KANK3: variants seen among roughly 807,000 people sequenced by gnomAD.
The protein encoded by KANK3 is KN motif and ankyrin repeat domain-containing protein 3.
Under a neutral mutation model 65.4 loss-of-function variants are expected in KANK3, and 61 were observed. The observed-to-expected ratio is 0.93, with a 90% CI of 0.76 to 1.15. The LOEUF is 1.15. Ranked by LOEUF, KANK3 falls within the 50% of genes most tolerant of loss-of-function variation. KANK3 has a pLI of 0.00. For missense variants in KANK3, 1,187 were observed against 1,178.8 expected (o/e 1.01, Z -0.10); for synonymous variants, 586 against 543.3 (o/e 1.08, Z -1.09).
rs973917609 is a variant in KANK3, at chr19:8,322,731, G to C, written c.*108C>G. On this transcript the variant is annotated 3_prime_UTR_variant, in exon 11 of 11. Coordinates refer to ENST00000330915, the MANE Select transcript of KANK3 (RefSeq NM_198471.3). ...CTGAAATTGCCTTTCTCTTCGGCCA[G>C]TGTTAGCCTCTGAGCAGGGGACCCT... 18 of 790,664 alleles carry C rather than the reference G, an allele frequency of 2.3e-5. No homozygotes were observed. The highest frequency in any genetic ancestry group is 3.5e-5 in the Non-Finnish European group (17 of 487,802). The allele number at this position is 790,664 out of a possible 1,614,324, so 49.0% of individuals were successfully genotyped here.
At chr19:8,338,642 G>A (rs180995952) in intron 1 of KANK3, among the ~76,000 whole-genome samples, 388 of 151,984 alleles carry the variant, frequency 2.6e-3, no homozygotes, top group Non-Finnish European at 4.7e-3. Flanking sequence ...TTGGGAGGCC[G>A]AGGAGGGCGG....
intron 1 of KANK3, among the ~76,000 whole-genome samples, chr19:8,342,670 C>T (rs909535990): frequency 5.6e-5 from 8 of 142,184 alleles, no homozygotes; most frequent in Admixed American, 4.2e-4. Context: ...GACTCTCAGA[C>T]TCTTGAGGTG....
intron 7 of KANK3, among the ~76,000 whole-genome samples, chr19:8,327,356 A>G (rs1970446928): frequency 6.6e-6 from 1 of 151,832 alleles, no homozygotes; most frequent in Non-Finnish European, 1.5e-5. Context: ...ATTTGGCCGG[A>G]CACGGTGGCT....
Position 8,322,913 on chromosome 19 carries a change from G to T in KANK3, c.2392C>A (p.Pro798Thr). 6.5e-7 allele frequency: 1 copy of T among 1,539,372 alleles called. No homozygotes were observed. ...SGQPDTQSES[P>T]PGSQTATPGE... ...GGTGTGGCTGTCTGGGAGCCAGGGG[G>T]TGACTCGCTCTGGAGAGAGGGGAAA... The change falls in exon 11 of 11, where the codon CCC becomes ACC. Residue 798 changes from proline (P) to threonine (T), a missense_variant. Physicochemically the swap from Pro to Thr is conservative, Grantham distance 38. This residue lies in a region of KANK3 where 1,078 missense variants were observed against 1,038.2 expected (regional missense o/e 1.04). Transcript: ENST00000330915.
chr19:8,333,854 C>G lies in KANK3; in HGVS notation c.1635-46G>C. On this transcript the variant is annotated intron_variant, in intron 5 of 10. Coordinates refer to ENST00000330915, the MANE Select transcript of KANK3 (RefSeq NM_198471.3). This position sits in a 1 kb window ranked among gnomAD's most constrained non-coding sequence, Gnocchi z 5.0. ...GACTCAGGATGGATCGGGGACAGCG[C>G]CGACCAGGAGGAGGGCAGCCGCCTC... 7 of 1,548,302 alleles carry G rather than the reference C, an allele frequency of 4.5e-6. No individual in the cohort carries two copies. Among genetic ancestry groups the G allele is most frequent in the Non-Finnish European group, 6.1e-6 (7 of 1,146,782 alleles).
At chr19:8,328,828 G>C (rs1415770155) in intron 7 of KANK3, among the ~76,000 whole-genome samples, 1 of 152,050 alleles carries the variant, frequency 6.6e-6, no homozygotes, top group African/African-American at 2.4e-5. Flanking sequence ...CAAGGTCAAG[G>C]AAGGAGAGCA....
chr19:8,333,714 G>T lies in KANK3; in HGVS notation c.1719+10C>A. 6.9e-7 allele frequency: 1 copy of T among 1,449,864 alleles called. No individual in the cohort carries two copies. 89.8% of individuals were successfully genotyped at this position (1,449,864 alleles called of 1,614,324 possible). ...GCCACTCCCTGGTGCTGCGCTCCCG[G>T]GGCACTCACGCCGTCGCTGGCTACT... On this transcript the variant is annotated intron_variant, in intron 6 of 10. Coordinates refer to ENST00000330915, the MANE Select transcript of KANK3 (RefSeq NM_198471.3). This position sits in a 1 kb window ranked among gnomAD's most constrained non-coding sequence, Gnocchi z 5.0.
At chr19:8,337,685 A>G (rs1970665391) in intron 2 of KANK3, 110 bp downstream of exon 2, 8 of 1,305,036 alleles carry the variant, frequency 6.1e-6, no homozygotes, top group Non-Finnish European at 8.8e-6. Flanking sequence ...GGCTCATGAC[A>G]TTGGAGAGGA....
At chr19:8,325,156 C>G (rs1199353670) in intron 7 of KANK3, 60 bp from the exon 8 acceptor site, 18 of 1,527,918 alleles carry the variant, frequency 1.2e-5, no homozygotes, top group African/African-American at 1.4e-5. Flanking sequence ...ACTTGATCCA[C>G]TCACCTCCCT....
chr19:8,336,726 T>G (rs1599651848), intron 2 of KANK3, among the ~76,000 whole-genome samples: 11 of 116,952 alleles, frequency 9.4e-5, no homozygotes, highest in East Asian at 2.4e-4. Flanking sequence ...GGTGACAGAG[T>G]GAGACCCTGT....
Position 8,325,029 on chromosome 19 carries a change from A to G in KANK3, c.2004T>C (p.Ser668=). 6.2e-7 allele frequency: 1 copy of G among 1,613,872 alleles called. No homozygotes were observed. Among genetic ancestry groups the G allele is most frequent in the Non-Finnish European group, 8.5e-7 (1 of 1,179,986 alleles). Residue 668 remains serine, a synonymous_variant, in exon 8 of 11, where the codon TCT becomes TCC. Coordinates refer to ENST00000330915, the MANE Select transcript of KANK3 (RefSeq NM_198471.3). ...YSALMLAALT[S]VRQEEEDMAV... ...CCATGTCCTCCTCTTCCTGCCTCAC[A>G]GAGGTGAGTGCAGCCAGCATGAGGG...
chr19:8,324,628 A>T lies in KANK3; in HGVS notation c.2283+2T>A, dbSNP rs1970386591. 6.2e-7 allele frequency: 1 copy of T among 1,613,866 alleles called. No homozygotes were observed. ...GATGCCAGCCCCATTGTGGGGTCTT[A>T]CATTGTCCAGGATGGCAGGGTCACA... On this transcript the variant is annotated splice_donor_variant, in intron 9 of 10. Coordinates refer to ENST00000330915, the MANE Select transcript of KANK3 (RefSeq NM_198471.3). LOFTEE classifies it high-confidence loss of function.
At chr19:8,338,899 A>G (rs1051514222) in intron 1 of KANK3, among the ~76,000 whole-genome samples, 35 of 87,900 alleles carry the variant, frequency 4.0e-4, no homozygotes, top group African/African-American at 1.2e-3. Context: ...AAAAAAAAAA[A>G]GGATGTAATT....
chr19:8,323,715 A>G (rs375284622), intron 10 of KANK3, among the ~76,000 whole-genome samples: 1 of 152,210 alleles, frequency 6.6e-6, no homozygotes, highest in Non-Finnish European at 1.5e-5. Flanking sequence ...CCTCGGTGAC[A>G]GAGGAAGACT....
At chr19:8,323,663 G>A (rs1045149330) in intron 10 of KANK3, 1 of 152,200 alleles carries the variant, frequency 6.6e-6, no homozygotes, top group Non-Finnish European at 1.5e-5. Flanking sequence ...AACCCCAGAG[G>A]TGGAGGTTGC....
chr19:8,323,334 T>C (rs905116481), intron 10 of KANK3: 4 of 156,596 alleles, frequency 2.6e-5, no homozygotes, highest in Non-Finnish European at 5.8e-5. Flanking sequence ...TTATGTAATT[T>C]ATTGAATACT....
In KANK3 at chr19:8,334,324, C is replaced by G; in HGVS notation, c.1423G>C (p.Gly475Arg). 1 of 1,614,044 alleles carries G rather than the reference C, an allele frequency of 6.2e-7. No homozygotes were observed. The highest frequency in any genetic ancestry group is 8.5e-7 in the Non-Finnish European group (1 of 1,180,010). Residue 475 changes from glycine to arginine, a missense_variant, in exon 4 of 11, where the codon GGA becomes CGA. Around this residue, in one of 3 missense-constraint regions of KANK3, gnomAD observed 1,078 missense variants for 1,038.2 expected, o/e 1.04. Transcript: ENST00000330915. ...KSLQFVGVLN[G>R]EYESSSSEDA... ...CAGGAGGGGAAAGGCGCTCACTCTC[C>G]GTTGAGGACCCCAACAAACTGCAGG...
In KANK3 at chr19:8,325,102, A is replaced by G. The variant is rs202154610; in HGVS notation, c.1937-6T>C. The stretch of plus-strand genomic sequence containing the variant: ...GCGGTTGACCTCGCAGGCCCCTGGG[A>G]GAGAAAAGGGGGCCGTCCACGGAGA... On this transcript the variant is annotated splice_region_variant and splice_polypyrimidine_tract_variant and intron_variant, in intron 7 of 10. Transcript: ENST00000330915. 2.8e-4 allele frequency: 443 copies of G among 1,608,256 alleles called. 3 individuals are homozygous for G. The African/African-American group carries it at 5.5e-3, about 20-fold the overall frequency.
intron 1 of KANK3, among the ~76,000 whole-genome samples, chr19:8,340,177 G>T (rs991799966): frequency 6.7e-6 from 1 of 149,668 alleles, no homozygotes; most frequent in South Asian, 2.1e-4. Flanking sequence ...CAGGAGAATC[G>T]CTTGAACCTG....
Sources: allele counts gnomAD v4.1 joint callset (sites outside exome capture counted in the v4.1 genomes callset), GRCh38; gene constraint gnomAD v4.1.1; regional missense constraint gnomAD v4.1.1; non-coding constraint Gnocchi (gnomAD v3.1); transcripts MANE v1.5; gene names NCBI Gene and HGNC (gene_info 2026-07-23, HGNC 2026-07-21).